PPFIBP2: variants seen among roughly 807,000 people sequenced by gnomAD.
PPFIBP2 encodes the protein PPFIB scaffold protein 2.
In PPFIBP2, 118 loss-of-function variants were observed where a neutral mutation model predicts 118.3. The observed-to-expected ratio is 1.00, with a 90% CI of 0.86 to 1.16. The LOEUF (loss-of-function observed/expected upper bound fraction) is 1.16, where lower values mean the gene tolerates loss of function less well. Among genes scored for constraint, PPFIBP2 ranks in the 50% most tolerant of loss-of-function variants. The probability of loss-of-function intolerance (pLI) is 0.00; values close to 1 mark genes in which losing one functional copy is unlikely to be tolerated. For synonymous variants in PPFIBP2, 414 were observed against 397.4 expected (o/e 1.04, Z -0.50); for missense variants, 1,195 against 1,073.1 (o/e 1.11, Z -1.59).
At chr11:7,588,542 A>T (rs1858630564) in intron 3 of PPFIBP2, among the ~76,000 whole-genome samples, 1 of 152,238 alleles carries the variant, frequency 6.6e-6, no homozygotes, top group African/African-American at 2.4e-5. Context: ...TTTGGGTCTT[A>T]CAGAAACAGA....
intron 14 of PPFIBP2, among the ~76,000 whole-genome samples, chr11:7,636,024 T>TG (rs1298947593): frequency 7.9e-5 from 12 of 152,218 alleles, no homozygotes. Context: ...CCATTAGGAC[T>TG]GATCTTCTCC....
intron 3 of PPFIBP2, 29 bp from the exon 4 acceptor site, chr11:7,593,103 G>C: frequency 6.2e-7 from 1 of 1,605,502 alleles, no homozygotes; most frequent in South Asian, 1.1e-5. Flanking sequence ...AACCTTTTAA[G>C]TGTATTCTTT....
intron 4 of PPFIBP2, chr11:7,597,094 T>A: frequency 7.9e-7 from 1 of 1,260,742 alleles, no homozygotes; most frequent in African/African-American, 1.5e-5. Context: ...ATCAAAACAC[T>A]CACCTGATAG....
downstream of PPFIBP2, chr11:7,656,807 G>C (rs554774715): frequency 7.8e-7 from 1 of 1,289,596 alleles, no homozygotes; most frequent in African/African-American, 1.5e-5. Flanking sequence ...GACTTTCTTC[G>C]TGGCTGAGAG....
intron 17 of PPFIBP2, among the ~76,000 whole-genome samples, chr11:7,646,291 G>A (rs928698423): frequency 3.3e-4 from 50 of 152,342 alleles, no homozygotes; most frequent in African/African-American, 8.2e-4. Context: ...TAGCCATAGC[G>A]TTAGAAAACT....
rs534411356 is a variant in PPFIBP2 at position 7,522,023 on chromosome 11, C to T, written c.-37+7902C>T. On this transcript the variant is annotated intron_variant, in intron 1 of 23. Coordinates refer to ENST00000299492, the MANE Select transcript of PPFIBP2 (RefSeq NM_003621.5). The stretch of plus-strand genomic sequence containing the variant: ...TTTTATTCTGATGACATTAAAGTTT[C>T]CATACTCAAGTATGGAAAAGACGTG... 9.2e-5 allele frequency among the ~76,000 whole-genome samples: 14 copies of T among 152,182 alleles called. 1 individual carries two copies. The East Asian group carries it at 2.7e-3, about 29-fold the overall frequency.
At chr11:7,599,023 G>C (rs1172393430) in intron 5 of PPFIBP2, among the ~76,000 whole-genome samples, 1 of 151,348 alleles carries the variant, frequency 6.6e-6, no homozygotes, top group Non-Finnish European at 1.5e-5. Context: ...GGCGCCATTT[G>C]ATTTTCTACT....
chr11:7,633,244 C>T (rs765033620), intron 12 of PPFIBP2, among the ~76,000 whole-genome samples: 56 of 152,146 alleles, frequency 3.7e-4, no homozygotes, highest in Admixed American at 3.0e-3. Context: ...GAGAGCATCC[C>T]GTGATGTGTG....
chr11:7,613,092 T>C (rs1590596003), intron 6 of PPFIBP2, among the ~76,000 whole-genome samples: 1 of 151,598 alleles, frequency 6.6e-6, no homozygotes, highest in East Asian at 1.9e-4. Context: ...GCAGGATTCT[T>C]TTTTTTTTCC....
chr11:7,541,853 C>G lies in PPFIBP2; in HGVS notation c.-36-7587C>G, dbSNP rs112828797. 3.3e-3 allele frequency among the ~76,000 whole-genome samples: 496 copies of G among 152,324 alleles called. 2 individuals carry two copies. The highest frequency in any genetic ancestry group is 0.011 in the African/African-American group (472 of 41,564). On this transcript the variant is annotated intron_variant, in intron 1 of 23. Transcript: ENST00000299492. ...TTGCTCCTGCAGGCCTCCACATTCT[C>G]TAGGTACTCAGGGCAAAAACCGTGT...
At chr11:7,541,983 C>A (rs111562161) in intron 1 of PPFIBP2, among the ~76,000 whole-genome samples, 46 of 152,264 alleles carry the variant, frequency 3.0e-4, no homozygotes, top group African/African-American at 1.0e-3. Context: ...TAATTCATTA[C>A]GGTCTGAGTC....
chr11:7,635,413 A>AT, intron 13 of PPFIBP2, 139 bp from the exon 14 acceptor site: 1 of 787,752 alleles, frequency 1.3e-6, no homozygotes, highest in East Asian at 2.6e-5. Context: ...CTGGATGGTG[A>AT]TTACTTGACA....
At position 7,620,841 on chromosome 11, in the gene PPFIBP2, T is replaced by G. The variant is rs1012613050; in HGVS notation, c.619-94T>G. 13 of 833,336 alleles carry G rather than the reference T, an allele frequency of 1.6e-5. No homozygotes were observed. In the African/African-American group the frequency reaches 2.2e-4, roughly 14 times the overall value. The allele number at this position is 833,336 out of a possible 1,614,324, so 51.6% of individuals were successfully genotyped here. A position where few individuals can be genotyped will look rare whatever the true frequency, so the allele number is the denominator to read the frequency against. ...GCTGTTATGTGGAGCTTGATGTGGT[T>G]GCTGCACCCCATATGCATGAGCTTA... On this transcript the variant is annotated intron_variant, in intron 6 of 23. Transcript: ENST00000299492.
At chr11:7,632,051 G>A (rs1850830947) in intron 11 of PPFIBP2, among the ~76,000 whole-genome samples, 1 of 152,256 alleles carries the variant, frequency 6.6e-6, no homozygotes, top group Non-Finnish European at 1.5e-5. Flanking sequence ...GGCTCCGCCT[G>A]TGATGCTAGG....
chr11:7,655,566 T>C (rs1303080852), downstream of PPFIBP2: 3 of 1,193,640 alleles, frequency 2.5e-6, no homozygotes, highest in Non-Finnish European at 3.3e-6. Context: ...TGGTGTGGTG[T>C]GGTGTGGTAT....
At chr11:7,594,974 A>G (rs1860029498) in intron 4 of PPFIBP2, among the ~76,000 whole-genome samples, 1 of 152,102 alleles carries the variant, frequency 6.6e-6, no homozygotes, top group South Asian at 2.1e-4. Context: ...AAGCCAATAC[A>G]TTAACTATTT....
intron 5 of PPFIBP2, among the ~76,000 whole-genome samples, chr11:7,600,979 T>C (rs1861321853): frequency 6.6e-6 from 1 of 152,194 alleles, no homozygotes; most frequent in Non-Finnish European, 1.5e-5. Flanking sequence ...TGCTCTAGAC[T>C]TGGCCCCTTC....
chr11:7,625,808 C>T lies in PPFIBP2; in HGVS notation c.743C>T (p.Ala248Val), dbSNP rs551563073. ...AEVAQLQEQV[A>V]LKDAEIERLH... ...GTCGCCCAGCTGCAAGAACAGGTGG[C>T]CCTGAAAGATGCAGAAATTGAGCGT... Residue 248 changes from alanine to valine, a missense_variant, in exon 8 of 24, where the codon GCC becomes GTC. Ala to Val is a moderately conservative substitution (Grantham distance 64). Coordinates refer to ENST00000299492, the MANE Select transcript of PPFIBP2 (RefSeq NM_003621.5). 14 of 1,614,224 alleles carry T rather than the reference C, an allele frequency of 8.7e-6. No homozygotes were observed. The highest frequency in any genetic ancestry group is 1.6e-4 in the Middle Eastern group (1 of 6,062).
chr11:7,649,499 C>T (rs1565125857), intron 20 of PPFIBP2, 33 bp from the exon 21 acceptor site: 1 of 1,613,316 alleles, frequency 6.2e-7, no homozygotes, highest in Non-Finnish European at 8.5e-7. Flanking sequence ...ACTTTGGAAA[C>T]TCTGGTTTAT....
Sources: allele counts gnomAD v4.1 joint callset (sites outside exome capture counted in the v4.1 genomes callset), GRCh38; gene constraint gnomAD v4.1.1; transcripts MANE v1.5; gene names NCBI Gene and HGNC (gene_info 2026-07-23, HGNC 2026-07-21).